The following HTR7 variants were observed in gnomAD, a reference collection of about 807,000 sequenced individuals.
HTR7 encodes 5-HT-7.
In HTR7, 16 loss-of-function variants were observed where a neutral mutation model predicts 34.0. The ratio of observed to expected loss-of-function variants is 0.47; its 90% CI spans 0.32 to 0.71. HTR7 has a LOEUF of 0.71. Ranked by LOEUF, HTR7 falls within the 30% of genes least tolerant of loss-of-function variation. HTR7 has a pLI of 0.04. For synonymous variants in HTR7, 265 were observed against 260.2 expected, an observed-to-expected ratio of 1.02 and a Z score of -0.18; for missense variants, 504 against 625.5, an observed-to-expected ratio of 0.81 and a Z score of 2.07.
chr10:90,798,960 G>C (rs186926986), intron 1 of HTR7, among the ~76,000 whole-genome samples: 6 of 152,234 alleles, frequency 3.9e-5, no homozygotes, highest in Admixed American at 2.0e-4. Flanking sequence ...TAGAAATTAT[G>C]GTTTAGGAGT....
At chr10:90,760,554 C>T (rs117849987) in intron 1 of HTR7, among the ~76,000 whole-genome samples, 298 of 152,214 alleles carry the variant, frequency 2.0e-3, no homozygotes, top group Non-Finnish European at 3.5e-3. Context: ...GTTAATTACC[C>T]TGATCTGATC....
chr10:90,840,101 G>T (rs556168650), intron 1 of HTR7, among the ~76,000 whole-genome samples: 1 of 150,676 alleles, frequency 6.6e-6, no homozygotes, highest in East Asian at 1.9e-4. Context: ...AACTTGGTTT[G>T]CATGCAATCA....
intron 1 of HTR7, among the ~76,000 whole-genome samples, chr10:90,809,113 G>A (rs543225625): frequency 9.2e-5 from 14 of 151,514 alleles, no homozygotes; most frequent in Non-Finnish European, 1.5e-4. Context: ...TCCCCTCCTC[G>A]CCAGGCCGAG....
At chr10:90,787,259 G>A (rs1282010030) in intron 1 of HTR7, among the ~76,000 whole-genome samples, 1 of 152,154 alleles carries the variant, frequency 6.6e-6, no homozygotes, top group South Asian at 2.1e-4. Context: ...GGAGGCCAAG[G>A]TGGGTGGATC....
At chr10:90,752,535 C>T (rs999464312) in intron 1 of HTR7, among the ~76,000 whole-genome samples, 3 of 151,686 alleles carry the variant, frequency 2.0e-5, no homozygotes, top group African/African-American at 2.4e-5. Flanking sequence ...CTTTTGTTAA[C>T]GATTTTAAAG....
intron 1 of HTR7, among the ~76,000 whole-genome samples, chr10:90,835,697 G>A (rs1204593782): frequency 6.6e-6 from 1 of 152,130 alleles, no homozygotes; most frequent in Non-Finnish European, 1.5e-5. Flanking sequence ...TCAGCATTTG[G>A]TGTGCAAGGG....
At chr10:90,842,615 G>C (rs935089552) in intron 1 of HTR7, among the ~76,000 whole-genome samples, 3 of 151,820 alleles carry the variant, frequency 2.0e-5, no homozygotes, top group Non-Finnish European at 4.4e-5. Context: ...GATTGCTACT[G>C]TCAGTTCCTA....
intron 1 of HTR7, among the ~76,000 whole-genome samples, chr10:90,810,425 CA>C (rs1845787893): frequency 6.6e-6 from 1 of 152,178 alleles, no homozygotes; most frequent in African/African-American, 2.4e-5. Context: ...TCCCATCCCA[CA>C]GCACGCTTTA....
chr10:90,746,419 C>T (rs1320662491), intron 2 of HTR7, among the ~76,000 whole-genome samples: 3 of 152,136 alleles, frequency 2.0e-5, no homozygotes, highest in African/African-American at 4.8e-5. Flanking sequence ...TGTTTCCTTG[C>T]TCATGACTTT....
chr10:90,786,631 GA>G (rs763559202), intron 1 of HTR7, among the ~76,000 whole-genome samples: 1 of 152,114 alleles, frequency 6.6e-6, no homozygotes, highest in Non-Finnish European at 1.5e-5. Flanking sequence ...AATAATACAG[GA>G]AATCTGTAAA....
At chr10:90,762,233 T>A (rs1347634505) in intron 1 of HTR7, among the ~76,000 whole-genome samples, 1 of 152,256 alleles carries the variant, frequency 6.6e-6, no homozygotes, top group Non-Finnish European at 1.5e-5. Context: ...AAGGCTGTAC[T>A]AACTTACATT....
chr10:90,798,151 A>G (rs1845570755), intron 1 of HTR7, among the ~76,000 whole-genome samples: 2 of 152,212 alleles, frequency 1.3e-5, no homozygotes, highest in Non-Finnish European at 2.9e-5. Flanking sequence ...TATGCTTTAA[A>G]GAAGGCTAAA....
chr10:90,769,977 C>T (rs374849775), intron 1 of HTR7, among the ~76,000 whole-genome samples: 42 of 152,372 alleles, frequency 2.8e-4, no homozygotes, highest in Admixed American at 9.8e-4. Context: ...CAGCAGGAGC[C>T]GCTGCGGGAG....
chr10:90,776,068 T>C (rs1166633923), intron 1 of HTR7, among the ~76,000 whole-genome samples: 1 of 152,202 alleles, frequency 6.6e-6, no homozygotes, highest in Admixed American at 6.5e-5. Context: ...ATCTAGTGAA[T>C]ATTTTACACT....
At chr10:90,815,014 A>G (rs1589463318) in intron 1 of HTR7, among the ~76,000 whole-genome samples, 2 of 152,302 alleles carry the variant, frequency 1.3e-5, no homozygotes, top group South Asian at 2.1e-4. Flanking sequence ...AAAGGGTAAA[A>G]CGGTCATAAA....
chr10:90,822,977 C>T (rs1352352679), intron 1 of HTR7, among the ~76,000 whole-genome samples: 1 of 152,232 alleles, frequency 6.6e-6, no homozygotes, highest in African/African-American at 2.4e-5. Context: ...GGAGCCTCCA[C>T]CTAGATCTCA....
At chr10:90,768,893 C>G (rs1845065047) in intron 1 of HTR7, among the ~76,000 whole-genome samples, 1 of 152,198 alleles carries the variant, frequency 6.6e-6, no homozygotes, top group Non-Finnish European at 1.5e-5. Context: ...GGCTGTCAGT[C>G]CTTCAGTTGG....
At chr10:90,796,211 G>A (rs762430651) in intron 1 of HTR7, among the ~76,000 whole-genome samples, 4 of 152,136 alleles carry the variant, frequency 2.6e-5, no homozygotes, top group Non-Finnish European at 5.9e-5. Context: ...TCAGATGGCT[G>A]GGGGAATCTC....
intron 1 of HTR7, among the ~76,000 whole-genome samples, chr10:90,770,414 G>A (rs1258811206): frequency 3.9e-5 from 6 of 152,254 alleles, no homozygotes; most frequent in East Asian, 1.9e-4. Flanking sequence ...TGGGCTGCCT[G>A]CAGGCTCCAT....
Sources: allele counts gnomAD v4.1 joint callset (sites outside exome capture counted in the v4.1 genomes callset), GRCh38; gene constraint gnomAD v4.1.1; transcripts MANE v1.5; gene names NCBI Gene and HGNC (gene_info 2026-07-23, HGNC 2026-07-21).